Variants in TRIP12 observed in about 807,000 individuals in gnomAD.
The protein encoded by TRIP12 is thyroid hormone receptor interactor 12, also known as E3 ubiquitin-protein ligase TRIP12.
TRIP12 carries 25 observed loss-of-function variants against 244.2 expected under a neutral mutation model. The observed-to-expected ratio is 0.10, with a 90% CI of 0.07 to 0.14. The LOEUF is 0.14. TRIP12 is among the 10% of genes least tolerant of loss of function. TRIP12 has a pLI of 1.00. For synonymous variants in TRIP12, 905 were observed against 873.1 expected (o/e 1.04, Z -0.64); for missense variants, 1,677 against 2,486.4 (o/e 0.67, Z 6.92).
chr2:229,823,475 C>T (rs2050638693), intron 8 of TRIP12, among the ~76,000 whole-genome samples: 1 of 151,716 alleles, frequency 6.6e-6, no homozygotes, highest in Admixed American at 6.6e-5. Context: ...GAAATCGAGA[C>T]CATCCTGGCT....
intron 2 of TRIP12, among the ~76,000 whole-genome samples, chr2:229,864,047 A>AGAGAGAGAGAGAGAGAGAGTGTGT: frequency 6.7e-4 from 53 of 79,294 alleles, no homozygotes; most frequent in South Asian, 2.6e-3. Flanking sequence ...AGAGAGAGAG[A>AGAGAGAGAGAGAGAGAGAGTGTGT]GTGTGTGTGT....
At chr2:229,788,155 G>T (rs1307185817) in intron 32 of TRIP12, among the ~76,000 whole-genome samples, 1 of 152,126 alleles carries the variant, frequency 6.6e-6, no homozygotes, top group Non-Finnish European at 1.5e-5. Flanking sequence ...ATTTCTAAGT[G>T]ATCAAGTAAT....
chr2:229,875,702 T>A (rs139583461), intron 2 of TRIP12, among the ~76,000 whole-genome samples: 11 of 152,338 alleles, frequency 7.2e-5, no homozygotes, highest in African/African-American at 2.6e-4. Context: ...CTTAAAACAC[T>A]CCATTAATGC....
chr2:229,849,270 C>T (rs1034258654), intron 4 of TRIP12, among the ~76,000 whole-genome samples: 16 of 152,186 alleles, frequency 1.1e-4, no homozygotes, highest in African/African-American at 3.4e-4. Flanking sequence ...TGTTCCTTTA[C>T]GTGGCTCAGT....
At chr2:229,887,875 G>A (rs2066395770) in intron 1 of TRIP12, among the ~76,000 whole-genome samples, 1 of 152,188 alleles carries the variant, frequency 6.6e-6, no homozygotes, top group Admixed American at 6.5e-5. Context: ...AAAGTTACAT[G>A]TTAACCTGTA....
rs765138585 is a variant in TRIP12, at chr2:229,859,499, T to C, written c.300A>G (p.Gln100=). The change falls in exon 4 of 42, where the codon CAA becomes CAG. Residue 100 remains glutamine (Q), a synonymous_variant. Transcript: ENST00000675903. Reference sequence around the variant, plus strand: ...CTTTCTTAGGCACCTGCCCCGTTTTTTGTCTTTCTGAAGTATTGGCTCTGT... The same window carrying C: ...CTTTCTTAGGCACCTGCCCCGTTTTCTGTCTTTCTGAAGTATTGGCTCTGT... ...DPDRANTSER[Q]KTGQVPKKDN... 4 of 1,614,110 alleles carry C rather than the reference T, an allele frequency of 2.5e-6. No individual in the cohort carries two copies. In the African/African-American group the frequency reaches 5.3e-5, roughly 22 times the overall value.
At chr2:229,797,068 G>C (rs2042995495) in intron 24 of TRIP12, among the ~76,000 whole-genome samples, 1 of 151,998 alleles carries the variant, frequency 6.6e-6, no homozygotes, top group Admixed American at 6.6e-5. Flanking sequence ...TAAAAGATGA[G>C]AACAGAAAAC....
chr2:229,805,937 T>C, intron 17 of TRIP12, 54 bp from the exon 18 acceptor site: 6 of 1,411,410 alleles, frequency 4.3e-6, no homozygotes, highest in Non-Finnish European at 5.7e-6. Context: ...ATCTATTACC[T>C]TAAGACACAG....
chr2:229,814,156 C>T lies in TRIP12; in HGVS notation c.1824+77G>A. The T allele has an allele frequency of 2.6e-6, 4 of 1,551,688 alleles. No homozygotes were observed. The South Asian group carries it at 4.6e-5, about 18-fold the overall frequency. On this transcript the variant is annotated intron_variant, in intron 12 of 41. Transcript: ENST00000675903. ...ATTTGTATCTTACAAAAACTGCAAT[C>T]AAGTAGCCTGTACAAATGTGGATTT...
At chr2:229,908,539 T>A (rs188667775) in intron 1 of TRIP12, among the ~76,000 whole-genome samples, 5 of 147,792 alleles carry the variant, frequency 3.4e-5, no homozygotes, top group Non-Finnish European at 7.5e-5. Flanking sequence ...GATCAGGAGA[T>A]CAAGACCATG....
At chr2:229,892,862 C>A (rs1308761037) in intron 1 of TRIP12, among the ~76,000 whole-genome samples, 3 of 151,690 alleles carry the variant, frequency 2.0e-5, no homozygotes, top group East Asian at 1.9e-4. Context: ...TGAGACCCTG[C>A]CTCGAAAAAA....
chr2:229,799,513 A>T, intron 21 of TRIP12, 130 bp from the exon 22 acceptor site: 1 of 765,792 alleles, frequency 1.3e-6, no homozygotes, highest in South Asian at 1.6e-5. Flanking sequence ...GCGGTGGCTC[A>T]CGCCTGTAAT....
chr2:229,821,242 C>T (rs559505088), intron 8 of TRIP12, among the ~76,000 whole-genome samples: 1 of 152,250 alleles, frequency 6.6e-6, no homozygotes, highest in South Asian at 2.1e-4. Flanking sequence ...CCAGTTTTAC[C>T]CATTACAGCT....
chr2:229,782,344 C>T (rs1051078617), intron 34 of TRIP12, among the ~76,000 whole-genome samples: 4 of 152,156 alleles, frequency 2.6e-5, no homozygotes, highest in Non-Finnish European at 5.9e-5. Flanking sequence ...CCACTCACCA[C>T]CAAGCCTGAC....
chr2:229,859,058 C>G lies in TRIP12; in HGVS notation c.741G>C (p.Ser247=). 6.2e-7 allele frequency: 1 copy of G among 1,614,170 alleles called. No individual in the cohort carries two copies. The highest frequency in any genetic ancestry group is 1.1e-5 in the South Asian group (1 of 91,076). ...DSSSAASTSS[S]SSAVASASST... ...AGGAGGCCGAGGCTACAGCAGAAGA[C>G]GAGGAGGAAGTAGAGGCAGCAGAAG... The change falls in exon 4 of 42, where the codon TCG becomes TCC. Residue 247 remains serine (S), a synonymous_variant. Coordinates refer to ENST00000675903, the MANE Select transcript of TRIP12 (RefSeq NM_001348323.3).
At chr2:229,851,099 C>T (rs563651663) in intron 4 of TRIP12, among the ~76,000 whole-genome samples, 43 of 152,312 alleles carry the variant, frequency 2.8e-4, no homozygotes, top group African/African-American at 7.7e-4. Context: ...CTGAGGAGTC[C>T]GAGCACATGG....
In TRIP12 at chr2:229,787,665, T is replaced by C; in HGVS notation, c.4839-4A>G. ...ATCAAAAGGAAAGAAAAATGGGCTG[T>C]AAAAAGATGCAATGTAAGTTTATTA... is the stretch of plus-strand genomic sequence containing the variant. On this transcript the variant is annotated splice_region_variant and splice_polypyrimidine_tract_variant and intron_variant, in intron 32 of 41. Coordinates refer to ENST00000675903, the MANE Select transcript of TRIP12 (RefSeq NM_001348323.3). 6.3e-7 allele frequency: 1 copy of C among 1,595,034 alleles called. No individual in the cohort carries two copies. The highest frequency in any genetic ancestry group is 8.5e-7 in the Non-Finnish European group (1 of 1,171,308).
intron 1 of TRIP12, among the ~76,000 whole-genome samples, chr2:229,903,168 A>T (rs569000025): frequency 1.3e-5 from 2 of 152,136 alleles, no homozygotes; most frequent in Admixed American, 6.5e-5. Flanking sequence ...TCCTGACTCA[A>T]ATGCAATGGA....
chr2:229,829,358 A>C, intron 7 of TRIP12, 70 bp from the exon 8 acceptor site: 1 of 1,247,736 alleles, frequency 8.0e-7, no homozygotes, highest in East Asian at 2.4e-5. Context: ...TAAAAATTTC[A>C]AGTAACTGAT....
Sources: allele counts gnomAD v4.1 joint callset (sites outside exome capture counted in the v4.1 genomes callset), GRCh38; gene constraint gnomAD v4.1.1; transcripts MANE v1.5; gene names NCBI Gene and HGNC (gene_info 2026-07-23, HGNC 2026-07-21).